Variants in COL21A1 observed in about 807,000 individuals in gnomAD.
COL21A1 encodes the protein collagen type XXI alpha 1 chain, also known as collagen alpha-1(XXI) chain.
In COL21A1, 149 loss-of-function variants were observed where a neutral mutation model predicts 137.9. The observed-to-expected ratio is 1.08, with a 90% CI of 0.95 to 1.24. The LOEUF is 1.24. Ranked by LOEUF, COL21A1 falls within the 50% of genes most tolerant of loss-of-function variation. COL21A1 has a pLI of 0.00. For synonymous variants in COL21A1, 456 were observed against 391.5 expected (o/e 1.16, Z -1.95); for missense variants, 1,167 against 1,158.4 (o/e 1.01, Z -0.11).
At chr6:56,164,370 C>T (rs1776409835) in intron 9 of COL21A1, 53 bp downstream of exon 9, 1 of 1,161,544 alleles carries the variant, frequency 8.6e-7, no homozygotes, top group Non-Finnish European at 1.3e-6. Flanking sequence ...GTATGGTTTA[C>T]CCAGCTCTTG....
intron 1 of COL21A1, among the ~76,000 whole-genome samples, chr6:56,321,246 A>T (rs1764859809): frequency 6.6e-6 from 1 of 152,132 alleles, no homozygotes; most frequent in South Asian, 2.1e-4. Context: ...TTGTATACTG[A>T]CCAGTCCTAG....
chr6:56,262,070 A>T (rs866791314), intron 1 of COL21A1, among the ~76,000 whole-genome samples: 18 of 152,198 alleles, frequency 1.2e-4, no homozygotes, highest in African/African-American at 4.1e-4. Context: ...GAACAGATAG[A>T]AATTTTACTT....
intron 1 of COL21A1, among the ~76,000 whole-genome samples, chr6:56,393,057 A>AT (rs545930133): frequency 2.6e-5 from 4 of 151,694 alleles, no homozygotes; most frequent in African/African-American, 9.6e-5. Context: ...TAGCAAAAAA[A>AT]AAAAAAGAAA....
In COL21A1 at chr6:56,357,884, G is replaced by C. The variant is rs74910720; in HGVS notation, c.-39+36087C>G. 1.4e-4 allele frequency among the ~76,000 whole-genome samples: 21 copies of C among 152,178 alleles called. 1 individual carries two copies. In the East Asian group the frequency reaches 3.7e-3, roughly 27 times the overall value. On this transcript the variant is annotated intron_variant, in intron 1 of 28. Transcript: ENST00000370819. ...TGTGCTACCCACAGAAGACAATACT[G>C]GTAGTGAAACAAGAACCTCAACAAT... is the stretch of plus-strand genomic sequence containing the variant.
At chr6:56,126,332 T>G (rs1454183300) in intron 12 of COL21A1, 183 bp from the exon 13 acceptor site, 15 of 538,668 alleles carry the variant, frequency 2.8e-5, no homozygotes, top group Non-Finnish European at 4.6e-5. Context: ...GTTTCATTTA[T>G]AATCAGAGAA....
rs2152339111 is a variant in COL21A1 at position 56,308,912 on chromosome 6, T to TA, written c.-39+85058dup. The stretch of plus-strand genomic sequence containing the variant: ...GGTCCATAAGAGTGGCACTAATTTT[T>TA]ATCCTTCCCTTTGGATGTGATAAGC... On this transcript the variant is annotated intron_variant, in intron 1 of 28. Transcript: ENST00000370819. Among the ~76,000 whole-genome samples the TA allele has an allele frequency of 2.0e-5, 3 of 152,316 alleles. No individual in the cohort carries two copies. The South Asian group carries it at 6.2e-4, about 32-fold the overall frequency.
At chr6:56,167,020 A>C in intron 6 of COL21A1, 37 bp from the exon 7 acceptor site, 4 of 1,489,844 alleles carry the variant, frequency 2.7e-6, no homozygotes, top group Non-Finnish European at 3.7e-6. Flanking sequence ...AAGTTGAGGC[A>C]CAAGCTAATT....
chr6:56,165,495 T>A lies in COL21A1; in HGVS notation c.1279-673A>T, dbSNP rs1776504202. ...GATAATGGTAATCATCATATGTCAA[T>A]GCAGAGACATCAATAAATGAAGTAT... On this transcript the variant is annotated intron_variant, in intron 7 of 29. Coordinates refer to ENST00000244728, the MANE Select transcript of COL21A1 (RefSeq NM_030820.4). Among the ~76,000 whole-genome samples, 3 of 152,206 alleles carry A rather than the reference T, an allele frequency of 2.0e-5. No individual in the cohort carries two copies. The South Asian group carries it at 6.2e-4, about 31-fold the overall frequency.
intron 1 of COL21A1, among the ~76,000 whole-genome samples, chr6:56,210,541 A>G (rs1582650079): frequency 1.3e-5 from 2 of 152,184 alleles, no homozygotes; most frequent in Admixed American, 1.3e-4. Context: ...TGTTAGGTGG[A>G]AGATTAGAGA....
intron 23 of COL21A1, among the ~76,000 whole-genome samples, chr6:56,066,168 A>G (rs533273935): frequency 3.9e-5 from 6 of 151,918 alleles, no homozygotes; most frequent in Non-Finnish European, 7.4e-5. Flanking sequence ...TTTACTTAAC[A>G]TTTACCTCAC....
intron 1 of COL21A1, among the ~76,000 whole-genome samples, chr6:56,319,365 TCTCA>T (rs1307368105): frequency 6.6e-6 from 1 of 152,022 alleles, no homozygotes; most frequent in Admixed American, 6.6e-5. Context: ...TGTGACGGAG[TCTCA>T]CTCTGTCACC....
intron 1 of COL21A1, among the ~76,000 whole-genome samples, chr6:56,296,509 C>A (rs779695741): frequency 6.6e-6 from 1 of 151,922 alleles, no homozygotes; most frequent in Non-Finnish European, 1.5e-5. Flanking sequence ...TACGTTCCCT[C>A]TCATTTTCTC....
At chr6:56,344,115 G>A (rs1018244386) in intron 1 of COL21A1, among the ~76,000 whole-genome samples, 1 of 152,090 alleles carries the variant, frequency 6.6e-6, no homozygotes, top group Non-Finnish European at 1.5e-5. Context: ...CAAATGAAAT[G>A]CATTCCTAGA....
chr6:56,378,891 CTGTT>C lies in COL21A1; in HGVS notation c.-39+15076_-39+15079del, dbSNP rs200391835. Among the ~76,000 whole-genome samples the C allele has an allele frequency of 2.6e-3, 395 of 152,312 alleles. 5 individuals are homozygous for C. In the East Asian group the frequency reaches 0.039, roughly 15 times the overall value. On this transcript the variant is annotated intron_variant, in intron 1 of 28. Coordinates refer to the COL21A1 transcript ENST00000370819. ...GTGGCTCAGAACACAGAAAGAGACT[CTGTT>C]TGTCTGGGAGAAAGTAAGAAAATAA...
intron 1 of COL21A1, among the ~76,000 whole-genome samples, chr6:56,191,608 A>G (rs1778686513): frequency 6.7e-6 from 1 of 149,492 alleles, no homozygotes; most frequent in Non-Finnish European, 1.5e-5. Context: ...AAAAAAAAAA[A>G]TCCAGAGAGC....
chr6:56,343,671 T>TGTCTGTA (rs1765519778), intron 1 of COL21A1, among the ~76,000 whole-genome samples: 1 of 152,202 alleles, frequency 6.6e-6, no homozygotes, highest in East Asian at 1.9e-4. Flanking sequence ...CCAGGCACAG[T>TGTCTGTA]GGCTTATGTC....
chr6:56,336,733 C>G (rs1765336213), intron 1 of COL21A1, among the ~76,000 whole-genome samples: 2 of 152,154 alleles, frequency 1.3e-5, no homozygotes, highest in Non-Finnish European at 2.9e-5. Context: ...TTGTTAGGAC[C>G]AATAGCAGCA....
intron 1 of COL21A1, among the ~76,000 whole-genome samples, chr6:56,308,172 C>G (rs1456369540): frequency 6.6e-6 from 1 of 152,168 alleles, no homozygotes; most frequent in African/African-American, 2.4e-5. Flanking sequence ...GGGCTGGTAA[C>G]AGCCCATAAA....
chr6:56,374,120 T>C (rs771565279), intron 1 of COL21A1, among the ~76,000 whole-genome samples: 28 of 152,204 alleles, frequency 1.8e-4, no homozygotes, highest in Non-Finnish European at 3.8e-4. Flanking sequence ...CCAGACATGT[T>C]GCTAGAGGAA....
Sources: allele counts gnomAD v4.1 joint callset (sites outside exome capture counted in the v4.1 genomes callset), GRCh38; gene constraint gnomAD v4.1.1; transcripts MANE v1.5; gene names NCBI Gene and HGNC (gene_info 2026-07-23, HGNC 2026-07-21).